Variants in ESRRG observed in about 807,000 individuals in gnomAD.
The protein encoded by ESRRG is estrogen related receptor gamma.
In ESRRG, 13 loss-of-function variants were observed where a neutral mutation model predicts 44.0. The observed-to-expected ratio is 0.30, with a 90% CI of 0.19 to 0.47. The LOEUF (loss-of-function observed/expected upper bound fraction) is 0.47, where lower values mean the gene tolerates loss of function less well. Ranked by LOEUF, ESRRG falls within the 20% of genes least tolerant of loss-of-function variation. ESRRG has a pLI of 1.00. For synonymous variants in ESRRG, 215 were observed against 214.6 expected (o/e 1.00, Z -0.02); for missense variants, 395 against 580.6 (o/e 0.68, Z 3.29).
chr1:217,131,161 T>G (rs2092959989), intron 1 of ESRRG, among the ~76,000 whole-genome samples: 1 of 152,204 alleles, frequency 6.6e-6, no homozygotes, highest in African/African-American at 2.4e-5. Flanking sequence ...AGTTGTCCAT[T>G]AATTGCAAAG....
chr1:217,046,022 T>C (rs1030789919), intron 1 of ESRRG, among the ~76,000 whole-genome samples: 6 of 151,954 alleles, frequency 3.9e-5, no homozygotes, highest in African/African-American at 1.5e-4. Flanking sequence ...AGGAACACAA[T>C]AAGAGCAAGT....
chr1:216,939,343 C>CAAAAAAAAAAAAAAAAAAAAAA lies in ESRRG; in HGVS notation c.-14+217_-14+238dup, dbSNP rs201260010. 1.2e-3 allele frequency among the ~76,000 whole-genome samples: 60 copies of CAAAAAAAAAAAAAAAAAAAAAA among 50,056 alleles called. 2 individuals carry two copies. The highest frequency in any genetic ancestry group is 2.6e-3 in the East Asian group (2 of 782). 32.8% of individuals were successfully genotyped at this position (50,056 alleles called of 152,430 possible). A position where few individuals can be genotyped will look rare whatever the true frequency, so the allele number is the denominator to read the frequency against. On this transcript the variant is annotated intron_variant, in intron 2 of 7. Transcript: ENST00000359162. ...TCTTCCAGAATATCCTACACATAGA[C>CAAAAAAAAAAAAAAAAAAAAAA]AAAAAAAAAAAAAAAAAAAAAAAAA...
intron 1 of ESRRG, among the ~76,000 whole-genome samples, chr1:217,070,989 C>T (rs527282601): frequency 4.1e-4 from 62 of 152,250 alleles, no homozygotes; most frequent in African/African-American, 1.3e-3. Context: ...CTACTTCTGC[C>T]TTTCTCTTTC....
rs2062049696 is a variant in ESRRG at position 216,620,513 on chromosome 1, C to T, written c.589+30460G>A. ...TGGAGAAGGATATACCACTTAAGGACTGGCAAACCTATAAAAAGAATTAAT... is the reference window on the plus strand; with the variant it reads ...TGGAGAAGGATATACCACTTAAGGATTGGCAAACCTATAAAAAGAATTAAT... On this transcript the variant is annotated intron_variant, in intron 3 of 6. Transcript: ENST00000408911. 2.0e-5 allele frequency among the ~76,000 whole-genome samples: 3 copies of T among 152,168 alleles called. No individual in the cohort carries two copies. In the South Asian group the frequency reaches 6.2e-4, roughly 32 times the overall value.
intron 1 of ESRRG, among the ~76,000 whole-genome samples, chr1:216,944,819 T>C (rs1282461359): frequency 6.6e-6 from 1 of 152,110 alleles, no homozygotes; most frequent in Non-Finnish European, 1.5e-5. Flanking sequence ...GATGCTTTTC[T>C]CTCTCTGGGG....
chr1:216,976,122 T>A (rs2072826041), intron 1 of ESRRG, among the ~76,000 whole-genome samples: 1 of 152,052 alleles, frequency 6.6e-6, no homozygotes, highest in Non-Finnish European at 1.5e-5. Context: ...CTAACAAAAT[T>A]CTTAGTAGAG....
chr1:216,716,470 C>T (rs2152022704), intron 1 of ESRRG, among the ~76,000 whole-genome samples: 1 of 152,014 alleles, frequency 6.6e-6, no homozygotes, highest in South Asian at 2.1e-4. Flanking sequence ...GTTAAATTGA[C>T]ATGTCTGTGA....
At chr1:216,717,065 A>C (rs896765073) in intron 1 of ESRRG, among the ~76,000 whole-genome samples, 10 of 151,918 alleles carry the variant, frequency 6.6e-5, no homozygotes, top group Non-Finnish European at 1.0e-4. Flanking sequence ...CATCAAAAGC[A>C]AGTTTCCCTC....
At chr1:216,961,831 T>C (rs1160613278) in intron 1 of ESRRG, among the ~76,000 whole-genome samples, 2 of 152,150 alleles carry the variant, frequency 1.3e-5, no homozygotes, top group Admixed American at 1.3e-4. Flanking sequence ...TCATTGACAC[T>C]TCAGTAATTG....
chr1:216,912,287 A>T (rs2060567202), intron 2 of ESRRG, among the ~76,000 whole-genome samples: 1 of 114,088 alleles, frequency 8.8e-6, no homozygotes, highest in African/African-American at 3.2e-5. Context: ...AGAGGGGAGG[A>T]GAGGAAAGGA....
intron 2 of ESRRG, among the ~76,000 whole-genome samples, chr1:216,675,371 A>G (rs2075914585): frequency 6.6e-6 from 1 of 152,124 alleles, no homozygotes; most frequent in Non-Finnish European, 1.5e-5. Context: ...AAAAAGAAAA[A>G]AAAAAGGGGG....
chr1:216,846,489 T>C (rs1461417156), intron 2 of ESRRG, among the ~76,000 whole-genome samples: 2 of 152,098 alleles, frequency 1.3e-5, no homozygotes, highest in African/African-American at 4.8e-5. Context: ...TTAGATACAA[T>C]GAGTAGATAA....
Position 216,511,870 on chromosome 1 carries a change from T to C in ESRRG, c.1133-4687A>G, listed in dbSNP as rs548293772. Among the ~76,000 whole-genome samples, 5 of 152,342 alleles carry C rather than the reference T, an allele frequency of 3.3e-5. No individual in the cohort carries two copies. In the South Asian group the frequency reaches 1.0e-3, roughly 32 times the overall value. Reference sequence around the variant, plus strand: ...CTTCAAAAAGGATTATAATTGCAACTGATTGAAATCCATTAAATATGTTTG... The same window carrying C: ...CTTCAAAAAGGATTATAATTGCAACCGATTGAAATCCATTAAATATGTTTG... On this transcript the variant is annotated intron_variant, in intron 6 of 6. Transcript: ENST00000408911.
At chr1:216,935,777 T>C (rs1217021954) in intron 2 of ESRRG, among the ~76,000 whole-genome samples, 3 of 151,990 alleles carry the variant, frequency 2.0e-5, no homozygotes, top group Admixed American at 2.0e-4. Context: ...CCACCATGCC[T>C]GGCTAATTTT....
intron 3 of ESRRG, among the ~76,000 whole-genome samples, chr1:216,605,065 AAC>A (rs1197647130): frequency 6.6e-6 from 1 of 152,224 alleles, no homozygotes; most frequent in Non-Finnish European, 1.5e-5. Context: ...ACTGTAAAGA[AAC>A]ACACAGTGCA....
chr1:217,028,460 C>T (rs1192752940), intron 1 of ESRRG, among the ~76,000 whole-genome samples: 1 of 152,134 alleles, frequency 6.6e-6, no homozygotes, highest in East Asian at 1.9e-4. Context: ...TATTTGATGC[C>T]AAGTTCAGAG....
chr1:217,024,334 A>G (rs3000610), intron 1 of ESRRG, among the ~76,000 whole-genome samples: 151,410 of 151,540 alleles, frequency 1, 75,640 homozygotes, highest in Non-Finnish European at 1. Context: ...CTCCAGCCTG[A>G]GCGACAGAGC....
chr1:216,995,547 G>A (rs1483892174), intron 1 of ESRRG, among the ~76,000 whole-genome samples: 3 of 152,084 alleles, frequency 2.0e-5, no homozygotes, highest in South Asian at 2.1e-4. Context: ...ACTTTCTACC[G>A]CTTCCCTAGT....
upstream of ESRRG, among the ~76,000 whole-genome samples, chr1:216,728,374 G>T (rs911229197): frequency 6.6e-6 from 1 of 152,062 alleles, no homozygotes; most frequent in Admixed American, 6.6e-5. Flanking sequence ...TCACTTGAAA[G>T]ATGATTATGA....
Sources: gnomAD v4.1 joint callset for allele counts (sites outside exome capture counted in the v4.1 genomes callset) on GRCh38, gnomAD v4.1.1 for gene constraint, MANE v1.5 for transcripts, NCBI Gene and HGNC (gene_info 2026-07-23, HGNC 2026-07-21) for gene names.